Variants in DLG1 observed in about 807,000 individuals in gnomAD.
The protein encoded by DLG1 is discs large MAGUK scaffold protein 1.
DLG1 carries 42 observed loss-of-function variants against 123.4 expected under a neutral mutation model. The ratio of observed to expected loss-of-function variants is 0.34; its 90% CI spans 0.27 to 0.44. DLG1 has a LOEUF of 0.44. Among genes scored for constraint, DLG1 ranks in the 20% least tolerant of loss-of-function variants. The probability of loss-of-function intolerance (pLI) is 1.00; values close to 1 mark genes in which losing one functional copy is unlikely to be tolerated. For synonymous variants in DLG1, 317 were observed against 356.2 expected (o/e 0.89, Z 1.24); for missense variants, 942 against 1,082.6 (o/e 0.87, Z 1.82).
intron 22 of DLG1, among the ~76,000 whole-genome samples, chr3:197,063,843 T>C (rs1279222503): frequency 6.6e-6 from 1 of 152,048 alleles, no homozygotes; most frequent in Non-Finnish European, 1.5e-5. Flanking sequence ...CTGTTTTCTC[T>C]CAGTCTCACC....
At chr3:197,129,938 G>A (rs960147077) in intron 11 of DLG1, among the ~76,000 whole-genome samples, 1 of 152,094 alleles carries the variant, frequency 6.6e-6, no homozygotes, top group Non-Finnish European at 1.5e-5. Flanking sequence ...ACATATTACT[G>A]TAACAGATAT....
chr3:197,127,174 G>A (rs1779531562), intron 11 of DLG1, among the ~76,000 whole-genome samples: 1 of 151,520 alleles, frequency 6.6e-6, no homozygotes. Flanking sequence ...TGTAATCCCA[G>A]CACTTTGAGA....
chr3:197,178,203 T>A (rs1199052773), intron 5 of DLG1, among the ~76,000 whole-genome samples: 2 of 151,972 alleles, frequency 1.3e-5, no homozygotes, highest in Non-Finnish European at 2.9e-5. Flanking sequence ...ACGAGAGAAG[T>A]TAGATGTCTA....
intron 4 of DLG1, among the ~76,000 whole-genome samples, chr3:197,199,325 A>G (rs1299168877): frequency 1.3e-5 from 2 of 152,168 alleles, no homozygotes; most frequent in Non-Finnish European, 2.9e-5. Flanking sequence ...AATTTTCAAA[A>G]CTTTTTGAGC....
chr3:197,291,257 GATCCAT>G (rs1774718536), intron 3 of DLG1, among the ~76,000 whole-genome samples: 1 of 150,810 alleles, frequency 6.6e-6, no homozygotes, highest in African/African-American at 2.5e-5. Flanking sequence ...CCAACGATGT[GATCCAT>G]ATCCTGTTTT....
At chr3:197,090,267 C>T (rs1397978632) in intron 15 of DLG1, among the ~76,000 whole-genome samples, 1 of 149,280 alleles carries the variant, frequency 6.7e-6, no homozygotes, top group Non-Finnish European at 1.5e-5. Context: ...AATACAAATA[C>T]ATTCGGATTT....
chr3:197,114,670 A>T (rs1268447466), intron 13 of DLG1, among the ~76,000 whole-genome samples: 3 of 152,184 alleles, frequency 2.0e-5, no homozygotes, highest in Non-Finnish European at 2.9e-5. Flanking sequence ...TGTAGCATGT[A>T]TATGAAAGCT....
chr3:197,173,276 T>C (rs887840221), intron 5 of DLG1, among the ~76,000 whole-genome samples: 1 of 152,152 alleles, frequency 6.6e-6, no homozygotes, highest in Non-Finnish European at 1.5e-5. Context: ...GCGGTGGTAG[T>C]GGTGGATAAA....
chr3:197,290,897 T>TAAAAAAAA (rs34807556), intron 3 of DLG1, among the ~76,000 whole-genome samples: 2 of 87,966 alleles, frequency 2.3e-5, no homozygotes, highest in African/African-American at 5.1e-5. Flanking sequence ...CTCCAAATAG[T>TAAAAAAAA]AAAAAAAAAA....
intron 16 of DLG1, among the ~76,000 whole-genome samples, chr3:197,084,648 G>C (rs1412438475): frequency 1.3e-5 from 2 of 151,632 alleles, no homozygotes; most frequent in African/African-American, 2.4e-5. Context: ...AATTCCATTT[G>C]AATAAAATCA....
At chr3:197,138,870 C>T (rs1028426917) in intron 8 of DLG1, among the ~76,000 whole-genome samples, 1 of 151,980 alleles carries the variant, frequency 6.6e-6, no homozygotes, top group Admixed American at 6.6e-5. Context: ...TAAGGCCACC[C>T]AGATAATAAG....
intron 4 of DLG1, among the ~76,000 whole-genome samples, chr3:197,233,530 G>A (rs910451902): frequency 6.6e-6 from 1 of 152,166 alleles, no homozygotes; most frequent in Non-Finnish European, 1.5e-5. Context: ...GGGATTACAG[G>A]TGCGCACCAC....
rs1347731088 is a variant in DLG1, at chr3:197,211,286, A to G, written c.319-16697T>C. Reference sequence around the variant, plus strand: ...AAGAGGCTGAACTCCTCTCCAACTCATTCTATGAGGCCAGCATCATCCTGA... The same window carrying G: ...AAGAGGCTGAACTCCTCTCCAACTCGTTCTATGAGGCCAGCATCATCCTGA... On this transcript the variant is annotated intron_variant, in intron 4 of 24. Coordinates refer to ENST00000667157, the MANE Select transcript of DLG1 (RefSeq NM_001366207.1). Among the ~76,000 whole-genome samples, 2 of 146,440 alleles carry G rather than the reference A, an allele frequency of 1.4e-5. 1 individual carries two copies. The highest frequency in any genetic ancestry group is 4.9e-5 in the African/African-American group (2 of 41,116).
intron 5 of DLG1, among the ~76,000 whole-genome samples, chr3:197,191,940 T>A (rs908122509): frequency 9.3e-5 from 14 of 150,858 alleles, no homozygotes; most frequent in African/African-American, 3.4e-4. Context: ...CTTTGGGAGG[T>A]CAAGGGAAGA....
intron 4 of DLG1, among the ~76,000 whole-genome samples, chr3:197,248,837 A>G (rs995973563): frequency 1.3e-5 from 2 of 152,218 alleles, no homozygotes; most frequent in African/African-American, 4.8e-5. Flanking sequence ...GATTACTTAT[A>G]TACTAGAACA....
At chr3:197,274,513 G>A (rs143521469) in intron 4 of DLG1, among the ~76,000 whole-genome samples, 5 of 151,438 alleles carry the variant, frequency 3.3e-5, no homozygotes, top group African/African-American at 9.7e-5. Context: ...GACACGACAC[G>A]ACACGATACG....
intron 4 of DLG1, among the ~76,000 whole-genome samples, chr3:197,198,677 G>A (rs1163220173): frequency 6.6e-6 from 1 of 152,052 alleles, no homozygotes; most frequent in African/African-American, 2.4e-5. Flanking sequence ...ATGGAAAGAT[G>A]TTTAATATCA....
At chr3:197,262,134 C>T (rs1759698623) in intron 4 of DLG1, among the ~76,000 whole-genome samples, 2 of 151,920 alleles carry the variant, frequency 1.3e-5, no homozygotes, top group African/African-American at 4.8e-5. Context: ...AAAGTGAGAC[C>T]CCTAGAAAGC....
chr3:197,233,771 C>T lies in DLG1; in HGVS notation c.319-39182G>A, dbSNP rs143776776. Among the ~76,000 whole-genome samples the T allele has an allele frequency of 8.0e-3, 1,220 of 152,320 alleles. 9 individuals carry two copies. Among genetic ancestry groups the T allele is most frequent in the Non-Finnish European group, 0.012 (789 of 68,024 alleles). On this transcript the variant is annotated intron_variant, in intron 4 of 24. Transcript: ENST00000667157. Reference sequence around the variant, plus strand: ...CTGACCTCAAGTGATCTGCCCACCTCAGCTTCCCAAAGTGCTGGGATTACA... The same window carrying T: ...CTGACCTCAAGTGATCTGCCCACCTTAGCTTCCCAAAGTGCTGGGATTACA...
Sources: allele counts gnomAD v4.1 joint callset (sites outside exome capture counted in the v4.1 genomes callset), GRCh38; gene constraint gnomAD v4.1.1; transcripts MANE v1.5; gene names NCBI Gene and HGNC (gene_info 2026-07-23, HGNC 2026-07-21).